The following CDH13 variants were observed in gnomAD, a reference collection of about 807,000 sequenced individuals.
The protein encoded by CDH13 is cadherin 13.
In CDH13, 24 loss-of-function variants were observed where a neutral mutation model predicts 63.8. The ratio of observed to expected loss-of-function variants is 0.38; its 90% CI spans 0.27 to 0.53. The LOEUF is 0.53. Among genes scored for constraint, CDH13 ranks in the 20% least tolerant of loss-of-function variants. CDH13 has a pLI of 0.85. For missense variants in CDH13, 1,049 were observed against 903.1 expected (o/e 1.16, Z -2.07); for synonymous variants, 503 against 355.3 (o/e 1.42, Z -4.67).
intron 10 of CDH13, among the ~76,000 whole-genome samples, chr16:83,694,042 G>A (rs1032021601): frequency 5.9e-5 from 9 of 152,212 alleles, no homozygotes; most frequent in Non-Finnish European, 1.2e-4. Flanking sequence ...ACAAGCAACA[G>A]AAACCAGCAT....
At chr16:83,722,292 T>C (rs1216510447) in intron 10 of CDH13, among the ~76,000 whole-genome samples, 2 of 152,186 alleles carry the variant, frequency 1.3e-5, no homozygotes, top group Middle Eastern at 3.2e-3. Flanking sequence ...ATATGAAATA[T>C]CATGCATGTA....
chr16:83,193,297 C>T (rs912614524), intron 4 of CDH13, among the ~76,000 whole-genome samples: 3 of 151,706 alleles, frequency 2.0e-5, no homozygotes, highest in Non-Finnish European at 2.9e-5. Flanking sequence ...TCCTATTTTA[C>T]AGTGGAGGGA....
Position 82,627,050 on chromosome 16 carries a change from G to C in CDH13, c.-43G>C. The C allele has an allele frequency of 2.5e-6, 4 of 1,573,502 alleles. No homozygotes were observed. Among genetic ancestry groups the C allele is most frequent in the Non-Finnish European group, 3.5e-6 (4 of 1,159,120 alleles). On this transcript the variant is annotated 5_prime_UTR_variant, in exon 1 of 14. Transcript: ENST00000567109. ...CGGAAAATATGCTCAGTGCAGCCGCGTGCATGAATGAAAACGCCGCCGGGC... is the reference window on the plus strand; with the variant it reads ...CGGAAAATATGCTCAGTGCAGCCGCCTGCATGAATGAAAACGCCGCCGGGC...
At chr16:83,161,196 G>T (rs67814532) in intron 4 of CDH13, among the ~76,000 whole-genome samples, 1 of 151,974 alleles carries the variant, frequency 6.6e-6, no homozygotes, top group African/African-American at 2.4e-5. Flanking sequence ...ATTAATTAAA[G>T]CCTCCAGTTT....
At chr16:83,198,782 A>G (rs1213071640) in intron 4 of CDH13, among the ~76,000 whole-genome samples, 2 of 152,158 alleles carry the variant, frequency 1.3e-5, no homozygotes, top group African/African-American at 4.8e-5. Flanking sequence ...TAGGAGAGGT[A>G]CCCAACCAGT....
chr16:82,653,961 C>T (rs536375107), intron 1 of CDH13, among the ~76,000 whole-genome samples: 10 of 151,990 alleles, frequency 6.6e-5, no homozygotes, highest in Non-Finnish European at 1.2e-4. Flanking sequence ...ATTAACTGTA[C>T]GGGGTTACAG....
Position 83,115,969 on chromosome 16 carries a change from C to T in CDH13, c.367-9416C>T, listed in dbSNP as rs143198975. On this transcript the variant is annotated intron_variant, in intron 3 of 13. Transcript: ENST00000567109. ...CCTCCAACAGGTGGCCAGCCCGGGT[C>T]AAGCTGCGTCTGGCCTTGTGTTCAG... 2.6e-3 allele frequency among the ~76,000 whole-genome samples: 389 copies of T among 152,326 alleles called. 1 individual carries two copies. Among genetic ancestry groups the T allele is most frequent in the African/African-American group, 8.8e-3 (364 of 41,578 alleles).
At chr16:83,097,394 C>T (rs2034259612) in intron 3 of CDH13, among the ~76,000 whole-genome samples, 1 of 152,162 alleles carries the variant, frequency 6.6e-6, no homozygotes, top group Non-Finnish European at 1.5e-5. Flanking sequence ...TAACACTAGT[C>T]TTCTATTTTT....
intron 8 of CDH13, among the ~76,000 whole-genome samples, chr16:83,617,185 G>T (rs1310531564): frequency 6.6e-6 from 1 of 152,160 alleles, no homozygotes; most frequent in African/African-American, 2.4e-5. Context: ...CTAGGGCCAA[G>T]CACAGGGGCA....
At chr16:83,429,757 C>T (rs940171893) in intron 6 of CDH13, among the ~76,000 whole-genome samples, 5 of 152,122 alleles carry the variant, frequency 3.3e-5, no homozygotes, top group Admixed American at 6.5e-5. Context: ...ACATGAACCA[C>T]GTTTTTATTT....
rs531147988 is a variant in CDH13 at position 83,316,136 on chromosome 16, C to G, written c.637-28726C>G. Among the ~76,000 whole-genome samples, 10 of 152,198 alleles carry G rather than the reference C, an allele frequency of 6.6e-5. No individual in the cohort carries two copies. In the East Asian group the frequency reaches 1.9e-3, roughly 30 times the overall value. On this transcript the variant is annotated intron_variant, in intron 5 of 13. Transcript: ENST00000567109. ...GGGGAAGAGCCCCTGATAAAGCCAT[C>G]AGATCTCATGAGAACTCACTGACTA...
At chr16:82,719,866 A>G (rs1412066291) in intron 1 of CDH13, among the ~76,000 whole-genome samples, 1 of 146,168 alleles carries the variant, frequency 6.8e-6, no homozygotes, top group Non-Finnish European at 1.5e-5. Flanking sequence ...AAAAAAAAAA[A>G]AGGTCTTACT....
chr16:83,155,503 C>T (rs2037171134), intron 4 of CDH13, among the ~76,000 whole-genome samples: 1 of 152,180 alleles, frequency 6.6e-6, no homozygotes, highest in Non-Finnish European at 1.5e-5. Context: ...TTTTGGTCTC[C>T]TGTCCTCTCT....
intron 6 of CDH13, among the ~76,000 whole-genome samples, chr16:83,381,719 A>T (rs1018761439): frequency 6.6e-6 from 1 of 151,770 alleles, no homozygotes; most frequent in Non-Finnish European, 1.5e-5. Flanking sequence ...GAAATTAGGG[A>T]TTAAAAAAAA....
chr16:83,551,447 G>C (rs1388759558), intron 7 of CDH13, among the ~76,000 whole-genome samples: 2 of 152,212 alleles, frequency 1.3e-5, no homozygotes, highest in Non-Finnish European at 2.9e-5. Context: ...TTTGGCCATA[G>C]ATATCTCTTA....
intron 5 of CDH13, among the ~76,000 whole-genome samples, chr16:83,336,593 A>C (rs1356164463): frequency 6.6e-6 from 1 of 152,204 alleles, no homozygotes; most frequent in Admixed American, 6.5e-5. Context: ...TTACATCTGA[A>C]AATCCTGTGC....
intron 1 of CDH13, among the ~76,000 whole-genome samples, chr16:82,737,695 C>T (rs1296882343): frequency 6.6e-6 from 1 of 152,222 alleles, no homozygotes; most frequent in Non-Finnish European, 1.5e-5. Flanking sequence ...AGAACCTGCC[C>T]TTAGTTCTAT....
chr16:83,096,165 C>A (rs902428702), intron 3 of CDH13, among the ~76,000 whole-genome samples: 36 of 152,184 alleles, frequency 2.4e-4, no homozygotes, highest in African/African-American at 8.4e-4. Flanking sequence ...CCTGTACCAG[C>A]TATCATTGCG....
intron 6 of CDH13, among the ~76,000 whole-genome samples, chr16:83,473,383 C>T (rs188381499): frequency 9.8e-5 from 15 of 152,306 alleles, no homozygotes; most frequent in African/African-American, 2.6e-4. Flanking sequence ...ACTTTCTTCC[C>T]GTTGAACACG....
Sources: gnomAD v4.1 joint callset for allele counts (sites outside exome capture counted in the v4.1 genomes callset) on GRCh38, gnomAD v4.1.1 for gene constraint, MANE v1.5 for transcripts, NCBI Gene and HGNC (gene_info 2026-07-23, HGNC 2026-07-21) for gene names.